Variants in SLC9C1 observed in about 807,000 individuals in gnomAD.
SLC9C1 encodes the protein solute carrier family 9 member C1.
Under a neutral mutation model 140.9 loss-of-function variants are expected in SLC9C1, and 97 were observed. The ratio of observed to expected loss-of-function variants is 0.69; its 90% CI spans 0.58 to 0.82. The LOEUF is 0.82. Among genes scored for constraint, SLC9C1 ranks in the 40% least tolerant of loss-of-function variants. The probability of loss-of-function intolerance (pLI) is 0.00; values close to 1 mark genes in which losing one functional copy is unlikely to be tolerated. For synonymous variants in SLC9C1, 440 were observed against 442.6 expected, an observed-to-expected ratio of 0.99 and a Z score of 0.07; for missense variants, 1,340 against 1,389.3, an observed-to-expected ratio of 0.96 and a Z score of 0.56.
intron 12 of SLC9C1, among the ~76,000 whole-genome samples, chr3:112,237,611 G>T (rs1042311575): frequency 2.0e-5 from 3 of 152,122 alleles, no homozygotes; most frequent in Non-Finnish European, 2.9e-5. Flanking sequence ...TTCCTTTCCA[G>T]GTTTAGTGCT....
chr3:112,233,068 T>TATATATTA (rs59351134), intron 12 of SLC9C1, among the ~76,000 whole-genome samples: 1 of 128,726 alleles, frequency 7.8e-6, no homozygotes, highest in African/African-American at 2.9e-5. Context: ...TATATATATA[T>TATATATTA]TATATTTTTT....
In SLC9C1 at chr3:112,181,942, A is replaced by G. The variant is rs574529465; in HGVS notation, c.2649+191T>C. ...ATGTGACAATGGAAAACAGAAGACAAAGCTGAAGTAGGCAGGAAACAGATT... is the reference window on the plus strand; with the variant it reads ...ATGTGACAATGGAAAACAGAAGACAGAGCTGAAGTAGGCAGGAAACAGATT... On this transcript the variant is annotated intron_variant, in intron 21 of 28. Coordinates refer to ENST00000305815, the MANE Select transcript of SLC9C1 (RefSeq NM_183061.3). 3.6e-4 allele frequency among the ~76,000 whole-genome samples: 55 copies of G among 152,310 alleles called. 1 individual carries two copies. The South Asian group carries it at 0.011, about 29-fold the overall frequency.
chr3:112,249,515 A>G (rs2079388532), intron 10 of SLC9C1, among the ~76,000 whole-genome samples: 1 of 152,098 alleles, frequency 6.6e-6, no homozygotes, highest in Non-Finnish European at 1.5e-5. Context: ...TTTTTGGAAT[A>G]GTTTTAGTAG....
At chr3:112,258,098 G>A (rs916355022) in intron 10 of SLC9C1, among the ~76,000 whole-genome samples, 1 of 152,214 alleles carries the variant, frequency 6.6e-6, no homozygotes, top group African/African-American at 2.4e-5. Context: ...TAGTGGGAGT[G>A]TAAGGTAGTT....
intron 6 of SLC9C1, 103 bp from the exon 7 acceptor site, chr3:112,270,180 A>T: frequency 8.5e-7 from 1 of 1,182,860 alleles, no homozygotes; most frequent in Non-Finnish European, 1.1e-6. Flanking sequence ...CTTTAAAATT[A>T]GCTAACTGCC....
At chr3:112,195,100 T>C (rs185911027) in intron 20 of SLC9C1, among the ~76,000 whole-genome samples, 20 of 152,278 alleles carry the variant, frequency 1.3e-4, no homozygotes, top group Admixed American at 5.9e-4. Context: ...TAGTGGTTTT[T>C]GATGCACACA....
At position 112,204,293 on chromosome 3, in the gene SLC9C1, C is replaced by T; in HGVS notation, c.2097G>A (p.Lys699=). 1.9e-6 allele frequency: 3 copies of T among 1,560,106 alleles called. No homozygotes were observed. The highest frequency in any genetic ancestry group is 2.6e-6 in the Non-Finnish European group (3 of 1,161,050). The change falls in exon 17 of 29, where the codon AAG becomes AAA. Residue 699 remains lysine, a synonymous_variant. Coordinates refer to ENST00000305815, the MANE Select transcript of SLC9C1 (RefSeq NM_183061.3). ...HVILIEIDTI[K]YIFNETEVIV... ...TTACTTCAGTCTCATTAAAAATATA[C>T]TTAATGGTGTCTATTTCAATAAGTA...
intron 2 of SLC9C1, among the ~76,000 whole-genome samples, chr3:112,281,627 T>C (rs2080358685): frequency 6.6e-6 from 1 of 152,174 alleles, no homozygotes; most frequent in Non-Finnish European, 1.5e-5. Context: ...AGGGAAGGAA[T>C]AAAAGTGAAG....
chr3:112,157,123 CT>C (rs950543087), intron 26 of SLC9C1, among the ~76,000 whole-genome samples: 1 of 150,964 alleles, frequency 6.6e-6, no homozygotes. Context: ...ATTTTCCCAA[CT>C]TTTTTTTTGT....
At chr3:112,239,774 A>G (rs1247786611) in intron 12 of SLC9C1, 66 bp downstream of exon 12, 9 of 1,346,188 alleles carry the variant, frequency 6.7e-6, no homozygotes, top group Middle Eastern at 5.1e-4. Flanking sequence ...AATATTTATG[A>G]TCTGATTTAT....
intron 15 of SLC9C1, among the ~76,000 whole-genome samples, chr3:112,216,760 C>A (rs1209837900): frequency 6.6e-6 from 1 of 152,200 alleles, no homozygotes; most frequent in African/African-American, 2.4e-5. Context: ...GTTTGTGGGG[C>A]TGTAACCGAG....
In SLC9C1 at chr3:112,180,792, G is replaced by A. The variant is rs886479119; in HGVS notation, c.2650-130C>T. The A allele has an allele frequency of 7.1e-6, 5 of 708,686 alleles. No homozygotes were observed. The African/African-American group carries it at 7.4e-5, about 10-fold the overall frequency. 43.9% of individuals were successfully genotyped at this position (708,686 alleles called of 1,614,324 possible). A position where few individuals can be genotyped will look rare whatever the true frequency, so the allele number is the denominator to read the frequency against. ...GCTCTGTCACCCATACTGGAGTGCA[G>A]TGGTGCAATCTTGGCTCACTGCACC... On this transcript the variant is annotated intron_variant, in intron 21 of 28. Transcript: ENST00000305815.
In SLC9C1 at chr3:112,260,224, T is replaced by A. The variant is rs370969314; in HGVS notation, c.1197+2700A>T. 2.0e-5 allele frequency among the ~76,000 whole-genome samples: 3 copies of A among 152,228 alleles called. No individual in the cohort carries two copies. The South Asian group carries it at 6.2e-4, about 32-fold the overall frequency. On this transcript the variant is annotated intron_variant, in intron 10 of 28. Transcript: ENST00000305815. Reference sequence around the variant, plus strand: ...AACTTATTTTTTTTCTTCTGCACAGTCCAATCTGCCATGAAGCTCATAACG... The same window carrying A: ...AACTTATTTTTTTTCTTCTGCACAGACCAATCTGCCATGAAGCTCATAACG...
chr3:112,288,092 C>G (rs2080570947), intron 1 of SLC9C1, among the ~76,000 whole-genome samples: 1 of 149,392 alleles, frequency 6.7e-6, no homozygotes, highest in Non-Finnish European at 1.5e-5. Context: ...TACAATTCCT[C>G]TCATAACCTG....
rs1406510006 is a variant in SLC9C1, at chr3:112,182,224, G to T, written c.2558C>A (p.Ser853Tyr). Residue 853 changes from serine (S) to tyrosine (Y), a missense_variant, in exon 21 of 29, where the codon TCT (serine) becomes TAT (tyrosine). By Grantham distance (144) the Ser-to-Tyr change is moderately radical. Transcript: ENST00000305815. ...IMAKKKEVLD[S>Y]QSIIRPLTVE... ...AGTAAGAGGCCTGATAATAGATTGA[G>T]AATCAAGCACCTCTTTCTTTTTGGC... 3.7e-6 allele frequency: 6 copies of T among 1,605,450 alleles called. No homozygotes were observed. Among genetic ancestry groups the T allele is most frequent in the Non-Finnish European group, 4.3e-6 (5 of 1,176,222 alleles).
chr3:112,147,478 T>C, intron 28 of SLC9C1: 1 of 417,650 alleles, frequency 2.4e-6, no homozygotes, highest in South Asian at 1.7e-5. Context: ...AAGGATGGTC[T>C]CATGGTAATG....
At chr3:112,282,729 A>C (rs2080393058) in intron 2 of SLC9C1, among the ~76,000 whole-genome samples, 1 of 152,210 alleles carries the variant, frequency 6.6e-6, no homozygotes, top group Non-Finnish European at 1.5e-5. Flanking sequence ...GGATGGACTA[A>C]ATAGCTGGTA....
At chr3:112,153,143 C>G (rs1397091270) in intron 27 of SLC9C1, among the ~76,000 whole-genome samples, 1 of 152,130 alleles carries the variant, frequency 6.6e-6, no homozygotes, top group Non-Finnish European at 1.5e-5. Flanking sequence ...ATCTACTAAA[C>G]AACACAATTT....
intron 26 of SLC9C1, among the ~76,000 whole-genome samples, chr3:112,159,756 G>A (rs370580495): frequency 1.4e-4 from 21 of 151,928 alleles, no homozygotes; most frequent in African/African-American, 3.4e-4. Flanking sequence ...TAGCGCATAC[G>A]TATATTGACA....
Sources: gnomAD v4.1 joint callset for allele counts (sites outside exome capture counted in the v4.1 genomes callset) on GRCh38, gnomAD v4.1.1 for gene constraint, MANE v1.5 for transcripts, NCBI Gene and HGNC (gene_info 2026-07-23, HGNC 2026-07-21) for gene names.